Variants in ERCC5 observed in about 807,000 individuals in gnomAD.
ERCC5 encodes ERCC excision repair 5, endonuclease.
ERCC5 carries 68 observed loss-of-function variants against 105.6 expected under a neutral mutation model. The ratio of observed to expected loss-of-function variants is 0.64; its 90% CI spans 0.53 to 0.79. ERCC5 has a LOEUF of 0.79. Among genes scored for constraint, ERCC5 ranks in the 30% least tolerant of loss-of-function variants. The pLI, the probability that ERCC5 is intolerant of heterozygous loss-of-function variation, is 0.00. For missense variants in ERCC5, 1,373 were observed against 1,426.7 expected, an observed-to-expected ratio of 0.96 and a Z score of 0.61; for synonymous variants, 546 against 526.2, an observed-to-expected ratio of 1.04 and a Z score of -0.51.
At chr13:102,862,007 GA>G in intron 7 of ERCC5, 22 bp from the exon 8 acceptor site, 1 of 1,613,466 alleles carries the variant, frequency 6.2e-7, no homozygotes, top group Non-Finnish European at 8.5e-7. Flanking sequence ...TGAATGGTGA[GA>G]AGTGTTTTAA....
chr13:102,868,652 A>G (rs1882927896), intron 12 of ERCC5, among the ~76,000 whole-genome samples: 1 of 152,236 alleles, frequency 6.6e-6, no homozygotes, highest in Non-Finnish European at 1.5e-5. Context: ...GGAGAAGCAA[A>G]GCAAATTGTA....
chr13:102,857,056 T>C (rs572295703), intron 5 of ERCC5, among the ~76,000 whole-genome samples: 5 of 152,352 alleles, frequency 3.3e-5, no homozygotes, highest in African/African-American at 1.2e-4. Flanking sequence ...ATTGAGATTA[T>C]GCTGTATATA....
intron 8 of ERCC5, among the ~76,000 whole-genome samples, chr13:102,863,462 G>C (rs908666434): frequency 1.3e-5 from 2 of 152,046 alleles, no homozygotes; most frequent in Admixed American, 6.5e-5. Flanking sequence ...TCAGTGGCTA[G>C]CATGTTACCA....
In ERCC5 at chr13:102,875,570, A is replaced by G. The variant is rs1431621896; in HGVS notation, c.3228A>G (p.Ser1076=). The G allele has an allele frequency of 6.2e-7, 1 of 1,612,760 alleles. No homozygotes were observed. Among genetic ancestry groups the G allele is most frequent in the Non-Finnish European group, 8.5e-7 (1 of 1,179,478 alleles). ...ESSSLKRKRL[S]DSKGKNTCGG... The stretch of plus-strand genomic sequence containing the variant: ...CAAGCCTGAAAAGAAAGAGGCTTTC[A>G]GATTCTAAAGGAAAGAATACATGCG... The change falls in exon 15 of 15, where the codon TCA becomes TCG. Residue 1076 remains serine (S), a synonymous_variant. Coordinates refer to ENST00000652225, the MANE Select transcript of ERCC5 (RefSeq NM_000123.4).
intron 1 of ERCC5, among the ~76,000 whole-genome samples, chr13:102,850,069 G>GC (rs1882146754): frequency 1.3e-5 from 2 of 151,792 alleles, no homozygotes; most frequent in African/African-American, 4.8e-5. Context: ...AGCCTTATAG[G>GC]CACACGCCAC....
At chr13:102,869,014 T>C (rs2140535128) in intron 12 of ERCC5, among the ~76,000 whole-genome samples, 1 of 152,336 alleles carries the variant, frequency 6.6e-6, no homozygotes, top group African/African-American at 2.4e-5. Flanking sequence ...CACAAGATTG[T>C]GGTGGCATCT....
intron 1 of ERCC5, among the ~76,000 whole-genome samples, chr13:102,850,044 C>T (rs1882145163): frequency 6.6e-6 from 1 of 151,632 alleles, no homozygotes; most frequent in South Asian, 2.1e-4. Context: ...CAGGTTCAAT[C>T]GATTCTCCTG....
chr13:102,857,004 A>G (rs1317429303), intron 5 of ERCC5, among the ~76,000 whole-genome samples: 1 of 152,264 alleles, frequency 6.6e-6, no homozygotes, highest in Non-Finnish European at 1.5e-5. Context: ...GTTAGACAAG[A>G]AGAATGTCCC....
intron 4 of ERCC5, among the ~76,000 whole-genome samples, chr13:102,855,042 A>G (rs2140520021): frequency 6.6e-6 from 1 of 152,142 alleles, no homozygotes; most frequent in African/African-American, 2.4e-5. Context: ...GCTCAGTTCT[A>G]TTTGTCTCCA....
chr13:102,871,922 C>G (rs1408047894), intron 12 of ERCC5, among the ~76,000 whole-genome samples: 1 of 152,076 alleles, frequency 6.6e-6, no homozygotes, highest in Admixed American at 6.6e-5. Flanking sequence ...TCAGTTCCCT[C>G]CTCTGTGAGG....
Position 102,862,542 on chromosome 13 carries a change from A to G in ERCC5, c.1393A>G (p.Arg465Gly). 1 of 1,614,116 alleles carries G rather than the reference A, an allele frequency of 6.2e-7. No homozygotes were observed. Among genetic ancestry groups the G allele is most frequent in the Non-Finnish European group, 8.5e-7 (1 of 1,180,028 alleles). Residue 465 changes from arginine to glycine, a missense_variant, in exon 8 of 15, where the codon AGA becomes GGA. Coordinates refer to ENST00000652225, the MANE Select transcript of ERCC5 (RefSeq NM_000123.4). ...EEHVASTNEG[R>G]EPTDSVPKEQ... is the part of the protein sequence containing the mutation. ...GCACGTAGCCAGCACTAATGAGGGG[A>G]GAGAGCCCACAGACTCAGTTCCAAA...
chr13:102,871,083 C>T (rs4150356), intron 12 of ERCC5, among the ~76,000 whole-genome samples: 147,186 of 152,314 alleles, frequency 0.97, 71,326 homozygotes, highest in Middle Eastern at 1. Flanking sequence ...TGTTCCATGT[C>T]GGCTAGGACA....
chr13:102,856,084 A>G lies in ERCC5; in HGVS notation c.500A>G (p.Glu167Gly), dbSNP rs59731086. ...SEEEDEKEWQ[E>G]RMNQKQALQE... is the part of the protein sequence containing the mutation. ...GAGGAAGATGAAAAAGAATGGCAAG[A>G]AAGAATGAATCAAAAACAAGCATTA... The change falls in exon 5 of 15, where the codon GAA becomes GGA. Residue 167 changes from glutamate (E) to glycine (G), a missense_variant. Physicochemically the swap from Glu to Gly is moderately conservative, Grantham distance 98. Transcript: ENST00000652225. The G allele has an allele frequency of 6.2e-7, 1 of 1,614,050 alleles. No individual in the cohort carries two copies. Among genetic ancestry groups the G allele is most frequent in the African/African-American group, 1.3e-5 (1 of 75,060 alleles).
Position 102,862,541 on chromosome 13 carries a change from G to T in ERCC5, c.1392G>T (p.Gly464=). The part of the protein sequence containing the change: ...AEEHVASTNE[G]REPTDSVPKE... The stretch of plus-strand genomic sequence containing the variant: ...AGCACGTAGCCAGCACTAATGAGGG[G>T]AGAGAGCCCACAGACTCAGTTCCAA... The change falls in exon 8 of 15, where the codon GGG becomes GGT. Residue 464 remains glycine (G), a synonymous_variant. Coordinates refer to ENST00000652225, the MANE Select transcript of ERCC5 (RefSeq NM_000123.4). 1 of 1,614,172 alleles carries T rather than the reference G, an allele frequency of 6.2e-7. No individual in the cohort carries two copies. Among genetic ancestry groups the T allele is most frequent in the South Asian group, 1.1e-5 (1 of 91,082 alleles).
chr13:102,866,634 A>G lies in ERCC5; in HGVS notation c.2322A>G (p.Glu774=). Residue 774 remains glutamate (E), a splice_region_variant and synonymous_variant, in exon 11 of 15, where the codon GAA becomes GAG. Coordinates refer to ENST00000652225, the MANE Select transcript of ERCC5 (RefSeq NM_000123.4). ...VTGQMFLESQ[E]LLRLFGIPYI... ...ACTGTGTACCCCTCACTCTGCAGGA[A>G]CTCCTGCGCCTGTTCGGCATTCCCT... 2.5e-6 allele frequency: 4 copies of G among 1,612,780 alleles called. No individual in the cohort carries two copies. Among genetic ancestry groups the G allele is most frequent in the Non-Finnish European group, 2.5e-6 (3 of 1,179,820 alleles).
rs3759500 is a variant in ERCC5, at chr13:102,866,494, C to T, written c.2319+113C>T. 0.23 allele frequency: 372,039 copies of T among 1,606,480 alleles called. 45,432 individuals carry two copies. The highest frequency in any genetic ancestry group is 0.38 in the Admixed American group (22,693 of 59,656). ...CCTGGTGCTCAGGGCCTGGTGATGC[C>T]GTTCCCTGGGGGTCACTGTGTGTCC... On this transcript the variant is annotated intron_variant, in intron 10 of 14. Coordinates refer to ENST00000652225, the MANE Select transcript of ERCC5 (RefSeq NM_000123.4).
intron 6 of ERCC5, among the ~76,000 whole-genome samples, chr13:102,860,177 A>T (rs1191755383): frequency 6.6e-6 from 1 of 152,232 alleles, no homozygotes; most frequent in Non-Finnish European, 1.5e-5. Context: ...TGATGCTGGC[A>T]ATTTGAATAT....
At chr13:102,852,666 A>T (rs1423908837) in intron 2 of ERCC5, among the ~76,000 whole-genome samples, 1 of 152,224 alleles carries the variant, frequency 6.6e-6, no homozygotes, top group Admixed American at 6.5e-5. Context: ...TCTGAGATCA[A>T]GTATCCTCCG....
intron 10 of ERCC5, 73 bp downstream of exon 10, chr13:102,866,454 G>T: frequency 6.2e-7 from 1 of 1,613,098 alleles, no homozygotes; most frequent in African/African-American, 1.3e-5. Context: ...CATGAAGGGG[G>T]TATGCACTGT....
Sources: gnomAD v4.1 joint callset for allele counts (sites outside exome capture counted in the v4.1 genomes callset) on GRCh38, gnomAD v4.1.1 for gene constraint, MANE v1.5 for transcripts, NCBI Gene and HGNC (gene_info 2026-07-23, HGNC 2026-07-21) for gene names.